Variants in LRBA observed in about 807,000 individuals in gnomAD.
The protein encoded by LRBA is lipopolysaccharide-responsive and beige-like anchor protein.
A neutral mutation model predicts 330.0 loss-of-function variants in LRBA; 176 were observed. The ratio of observed to expected loss-of-function variants is 0.53; its 90% CI spans 0.47 to 0.60. LRBA has a LOEUF of 0.60. LRBA is among the 20% of genes least tolerant of loss of function. LRBA has a pLI of 0.00. For synonymous variants in LRBA, 1,230 were observed against 1,193.0 expected (o/e 1.03, Z -0.64); for missense variants, 3,259 against 3,444.8 (o/e 0.95, Z 1.35).
At chr4:150,371,220 TCTCA>T (rs1351714554) in intron 47 of LRBA, among the ~76,000 whole-genome samples, 2 of 121,030 alleles carry the variant, frequency 1.7e-5, no homozygotes, top group Non-Finnish European at 3.2e-5. Flanking sequence ...GGAGACAGAG[TCTCA>T]CTCTGTCACC....
intron 40 of LRBA, among the ~76,000 whole-genome samples, chr4:150,553,643 T>A (rs1766912553): frequency 6.6e-6 from 1 of 152,168 alleles, no homozygotes. Context: ...ATACTTTTCA[T>A]ACCAATAACC....
chr4:150,887,775 AAAAAAAAAAAAGAAAG>A (rs1040033808), intron 17 of LRBA, among the ~76,000 whole-genome samples: 8 of 149,328 alleles, frequency 5.4e-5, no homozygotes, highest in Non-Finnish European at 1.1e-4. Context: ...TCTCAAAAAA[AAAAAAAAAAAAGAAAG>A]AAAAAAAAAA....
chr4:150,418,281 C>A (rs948150509), intron 46 of LRBA, among the ~76,000 whole-genome samples: 4 of 151,956 alleles, frequency 2.6e-5, no homozygotes, highest in Non-Finnish European at 5.9e-5. Context: ...ATATTTTATT[C>A]CTGGCCCAAT....
chr4:150,379,303 C>CAAAAAAAAAAAAAAAA (rs10634420), intron 47 of LRBA, among the ~76,000 whole-genome samples: 1 of 59,884 alleles, frequency 1.7e-5, no homozygotes, highest in Non-Finnish European at 2.8e-5. Flanking sequence ...AACTCTAGCT[C>CAAAAAAAAAAAAAAAA]AAAAAAAAAA....
intron 46 of LRBA, among the ~76,000 whole-genome samples, chr4:150,420,448 T>G (rs1197445091): frequency 1.1e-5 from 1 of 91,502 alleles, no homozygotes; most frequent in Non-Finnish European, 2.2e-5. Flanking sequence ...AATACATATA[T>G]AATATATAAA....
intron 40 of LRBA, among the ~76,000 whole-genome samples, chr4:150,536,527 G>C (rs1764673954): frequency 6.6e-6 from 1 of 152,116 alleles, no homozygotes. Context: ...TCCTATTCTA[G>C]TTGCTGGTTT....
chr4:150,449,498 AC>A (rs1753083521), intron 44 of LRBA, among the ~76,000 whole-genome samples: 1 of 151,118 alleles, frequency 6.6e-6, no homozygotes, highest in Non-Finnish European at 1.5e-5. Flanking sequence ...GCACTGAGTT[AC>A]CAACAACAGC....
intron 44 of LRBA, among the ~76,000 whole-genome samples, chr4:150,460,882 T>C (rs1754693861): frequency 6.6e-6 from 1 of 151,868 alleles, no homozygotes; most frequent in South Asian, 2.1e-4. Context: ...TTCTCCCAAA[T>C]CTTCAGCTTA....
At chr4:150,789,963 C>T (rs1394716725) in intron 34 of LRBA, among the ~76,000 whole-genome samples, 1 of 152,130 alleles carries the variant, frequency 6.6e-6, no homozygotes, top group Non-Finnish European at 1.5e-5. Flanking sequence ...TTTCCTAACT[C>T]TCTTCTTAAT....
At chr4:150,952,320 G>A (rs1561048926) in intron 2 of LRBA, among the ~76,000 whole-genome samples, 1 of 152,098 alleles carries the variant, frequency 6.6e-6, no homozygotes, top group South Asian at 2.1e-4. Context: ...GAAGACAGAT[G>A]CTGATACATA....
At chr4:150,565,841 C>G (rs1490695270) in intron 40 of LRBA, among the ~76,000 whole-genome samples, 1 of 151,568 alleles carries the variant, frequency 6.6e-6, no homozygotes, top group East Asian at 1.9e-4. Flanking sequence ...AAAATTAAAC[C>G]CCTAAAAGCT....
At chr4:150,344,692 T>C (rs1004565707) in intron 48 of LRBA, among the ~76,000 whole-genome samples, 3 of 152,200 alleles carry the variant, frequency 2.0e-5, no homozygotes, top group Non-Finnish European at 4.4e-5. Context: ...TAGGGCTATA[T>C]GTATGTGCCA....
chr4:150,654,184 T>C (rs954850747), intron 37 of LRBA, among the ~76,000 whole-genome samples: 2 of 152,188 alleles, frequency 1.3e-5, no homozygotes, highest in Admixed American at 6.5e-5. Context: ...GAAAAGTCTG[T>C]TGTCATTGTT....
intron 48 of LRBA, among the ~76,000 whole-genome samples, chr4:150,348,576 C>A (rs1410601559): frequency 1.3e-5 from 2 of 152,090 alleles, no homozygotes; most frequent in African/African-American, 4.8e-5. Context: ...ATATTAAATA[C>A]AACCAATCTC....
chr4:151,004,565 C>T (rs1242185346), intron 2 of LRBA, among the ~76,000 whole-genome samples: 2 of 152,088 alleles, frequency 1.3e-5, no homozygotes, highest in African/African-American at 2.4e-5. Context: ...CCATGGTTAA[C>T]GGAAGGTAAT....
In LRBA at chr4:150,436,795, G is replaced by C. The variant is rs755968022; in HGVS notation, c.6850C>G (p.Gln2284Glu). 4 of 1,613,520 alleles carry C rather than the reference G, an allele frequency of 2.5e-6. No homozygotes were observed. The Admixed American group carries it at 5.0e-5, about 20-fold the overall frequency. The change falls in exon 45 of 57, where the codon CAA becomes GAA. Residue 2284 changes from glutamine to glutamate, a missense_variant. Transcript: ENST00000651943. ...AERYESWEDD[Q>E]VPKFHYGTHY... ...GTACCATAGTGAAACTTTGGAACTT[G>C]ATCATCTTCCCATGATTCATAACGC...
intron 42 of LRBA, among the ~76,000 whole-genome samples, chr4:150,473,449 T>C (rs1443564279): frequency 6.6e-6 from 1 of 152,162 alleles, no homozygotes; most frequent in Non-Finnish European, 1.5e-5. Context: ...TCCAGAGAGA[T>C]TAGTACTTGA....
intron 52 of LRBA, among the ~76,000 whole-genome samples, chr4:150,309,910 C>T (rs560139210): frequency 6.6e-5 from 10 of 152,136 alleles, no homozygotes; most frequent in African/African-American, 1.7e-4. Context: ...GTGCACTTGC[C>T]GTAAGATTAT....
chr4:150,379,655 C>T (rs961661471), intron 47 of LRBA, among the ~76,000 whole-genome samples: 2 of 152,186 alleles, frequency 1.3e-5, no homozygotes, highest in Non-Finnish European at 1.5e-5. Context: ...CAGGAAATAA[C>T]TCATAGCATA....
Sources: gnomAD v4.1 joint callset for allele counts (sites outside exome capture counted in the v4.1 genomes callset) on GRCh38, gnomAD v4.1.1 for gene constraint, MANE v1.5 for transcripts, NCBI Gene and HGNC (gene_info 2026-07-23, HGNC 2026-07-21) for gene names.